ABCC12: variants seen among roughly 807,000 people sequenced by gnomAD.
ABCC12 encodes ATP-binding cassette sub-family C member 12.
ABCC12 carries 142 observed loss-of-function variants against 151.1 expected under a neutral mutation model. The observed-to-expected ratio is 0.94, with a 90% CI of 0.82 to 1.08. ABCC12 has a LOEUF of 1.08. ABCC12 is among the 50% of genes least tolerant of loss of function. The probability of loss-of-function intolerance (pLI) is 0.00; values close to 1 mark genes in which losing one functional copy is unlikely to be tolerated. For missense variants in ABCC12, 1,638 were observed against 1,691.1 expected (o/e 0.97, Z 0.55); for synonymous variants, 645 against 646.4 (o/e 1.00, Z 0.03).
At chr16:48,136,649 G>C (rs1964620581) in intron 8 of ABCC12, among the ~76,000 whole-genome samples, 1 of 152,194 alleles carries the variant, frequency 6.6e-6, no homozygotes, top group Admixed American at 6.5e-5. Flanking sequence ...AGGATGAAGT[G>C]ATTGAGAGGT....
chr16:48,146,259 CT>C, intron 3 of ABCC12, 46 bp downstream of exon 3: 1 of 1,557,872 alleles, frequency 6.4e-7, no homozygotes, highest in South Asian at 1.1e-5. Context: ...ATGGACATTC[CT>C]GGAGGTCCTG....
At chr16:48,091,597 C>G (rs1217404730) in intron 24 of ABCC12, among the ~76,000 whole-genome samples, 4 of 152,190 alleles carry the variant, frequency 2.6e-5, no homozygotes, top group African/African-American at 7.2e-5. Flanking sequence ...GAGCAGCCCT[C>G]CCCTAGCCCC....
chr16:48,121,521 G>A (rs1964066751), intron 13 of ABCC12, 195 bp downstream of exon 13: 3 of 611,018 alleles, frequency 4.9e-6, no homozygotes, highest in Admixed American at 3.2e-5. Flanking sequence ...TGCAGTCGCA[G>A]GTCTGCAGAA....
chr16:48,115,332 T>C (rs1165798668), intron 15 of ABCC12, 83 bp downstream of exon 15: 2 of 1,443,316 alleles, frequency 1.4e-6, no homozygotes, highest in African/African-American at 1.4e-5. Context: ...CAGGCAGATA[T>C]AGGCAGAAGA....
intron 9 of ABCC12, among the ~76,000 whole-genome samples, chr16:48,131,474 C>T (rs1488046414): frequency 2.0e-5 from 3 of 152,138 alleles, no homozygotes; most frequent in East Asian, 3.9e-4. Flanking sequence ...GATTTGAGAG[C>T]CTTTGGTCAA....
At position 48,088,552 on chromosome 16, in the gene ABCC12, T is replaced by C; in HGVS notation, c.3468A>G (p.Thr1156=). 6.2e-7 allele frequency: 1 copy of C among 1,613,640 alleles called. No individual in the cohort carries two copies. Among genetic ancestry groups the C allele is most frequent in the South Asian group, 1.1e-5 (1 of 90,926 alleles). Residue 1156 remains threonine, a synonymous_variant, in exon 26 of 31, where the codon ACA becomes ACG. Transcript: ENST00000311303. ...SGQTVGIVGR[T]GSGKSSLGMA... ...AGCAGAGCTTGTCCTCACCGGAACC[T>C]GTTCTTCCAACAATCCCGACTGTCT...
At chr16:48,122,537 T>C (rs1290054564) in intron 12 of ABCC12, among the ~76,000 whole-genome samples, 1 of 152,162 alleles carries the variant, frequency 6.6e-6, no homozygotes, top group Non-Finnish European at 1.5e-5. Context: ...ACAGCGGGGA[T>C]GCAACGTTCA....
rs115178182 is a variant in ABCC12 at position 48,103,975 on chromosome 16, G to A, written c.2900+167C>T. Among the ~76,000 whole-genome samples the A allele has an allele frequency of 9.8e-3, 1,492 of 152,034 alleles. 31 individuals carry two copies. The highest frequency in any genetic ancestry group is 0.035 in the African/African-American group (1,432 of 41,330). On this transcript the variant is annotated intron_variant, in intron 22 of 30. Coordinates refer to ENST00000311303, the MANE Select transcript of ABCC12 (RefSeq NM_001393797.1). The stretch of plus-strand genomic sequence containing the variant: ...GTTTCCACCTCTCAGGGTTGCTCTG[G>A]GGCTAAAATGCCAGATGTATGCAAA...
intron 18 of ABCC12, among the ~76,000 whole-genome samples, chr16:48,110,682 C>T (rs995304962): frequency 7.9e-5 from 12 of 152,190 alleles, no homozygotes; most frequent in South Asian, 4.1e-4. Context: ...CCCTCTCCCA[C>T]CTTCTCACCA....
At chr16:48,116,325 C>T (rs1963882421) in intron 14 of ABCC12, among the ~76,000 whole-genome samples, 1 of 152,160 alleles carries the variant, frequency 6.6e-6, no homozygotes, top group African/African-American at 2.4e-5. Flanking sequence ...TGGGGAGCTC[C>T]ACGGTGGGCA....
intron 24 of ABCC12, among the ~76,000 whole-genome samples, chr16:48,096,365 T>C (rs1292257699): frequency 2.0e-5 from 3 of 152,222 alleles, no homozygotes; most frequent in African/African-American, 7.2e-5. Flanking sequence ...AATCCAATAA[T>C]AGTAATGCTC....
intron 5 of ABCC12, 135 bp downstream of exon 5, chr16:48,141,071 A>G: frequency 4.2e-6 from 6 of 1,414,668 alleles, no homozygotes; most frequent in Non-Finnish European, 5.7e-6. Flanking sequence ...GATTCACTTT[A>G]TGAAAATTCG....
At chr16:48,099,311 C>A (rs1265265768) in intron 23 of ABCC12, among the ~76,000 whole-genome samples, 2 of 152,066 alleles carry the variant, frequency 1.3e-5, no homozygotes, top group Non-Finnish European at 2.9e-5. Flanking sequence ...GCAAGAGAAT[C>A]GCTTGAACCC....
At position 48,146,433 on chromosome 16, in the gene ABCC12, C is replaced by T; in HGVS notation, c.-9G>A. The T allele has an allele frequency of 6.2e-7, 1 of 1,611,894 alleles. No individual in the cohort carries two copies. Among genetic ancestry groups the T allele is most frequent in the African/African-American group, 1.3e-5 (1 of 74,986 alleles). Reference sequence around the variant, plus strand: ...GGTCCTTCACCCACCATCCTGATGGCAGCCTGGAGCCCTGGGCTTTTGGCC... The same window carrying T: ...GGTCCTTCACCCACCATCCTGATGGTAGCCTGGAGCCCTGGGCTTTTGGCC... On this transcript the variant is annotated 5_prime_UTR_variant, in exon 3 of 31. Transcript: ENST00000311303.
At chr16:48,096,659 T>C in intron 24 of ABCC12, 87 bp downstream of exon 24, 1 of 1,396,314 alleles carries the variant, frequency 7.2e-7, no homozygotes. Flanking sequence ...GAGTTGGGGT[T>C]TTTGTTGTGT....
intron 24 of ABCC12, among the ~76,000 whole-genome samples, chr16:48,091,619 A>G (rs1962900103): frequency 6.6e-6 from 1 of 152,150 alleles, no homozygotes; most frequent in Non-Finnish European, 1.5e-5. Context: ...TGCTCAAAAA[A>G]CAACTGAAAA....
intron 2 of ABCC12, among the ~76,000 whole-genome samples, chr16:48,152,931 T>G (rs1427977448): frequency 6.6e-6 from 1 of 152,232 alleles, no homozygotes; most frequent in Non-Finnish European, 1.5e-5. Flanking sequence ...AAGCCTGGAT[T>G]GGATGCTTGA....
At chr16:48,086,862 GGAC>G (rs1567442958) in intron 27 of ABCC12, 43 bp from the exon 28 acceptor site, 17 of 1,530,108 alleles carry the variant, frequency 1.1e-5, no homozygotes, top group Non-Finnish European at 1.5e-5. Flanking sequence ...AGATTTCCAA[GGAC>G]GAGAGGATGG....
rs1375930719 is a variant in ABCC12 at position 48,138,219 on chromosome 16, T to C, written c.979+9A>G. On this transcript the variant is annotated intron_variant, in intron 8 of 30. Transcript: ENST00000311303. ...TAAGTGGTTCTTTAAGCAGCTACTCTTGTCCTACCTTGGATAGTGTTGGTA... is the reference window on the plus strand; with the variant it reads ...TAAGTGGTTCTTTAAGCAGCTACTCCTGTCCTACCTTGGATAGTGTTGGTA... 1.9e-6 allele frequency: 3 copies of C among 1,595,672 alleles called. No individual in the cohort carries two copies. In the South Asian group the frequency reaches 3.3e-5, roughly 18 times the overall value.
Sources: gnomAD v4.1 joint callset for allele counts (sites outside exome capture counted in the v4.1 genomes callset) on GRCh38, gnomAD v4.1.1 for gene constraint, MANE v1.5 for transcripts, NCBI Gene and HGNC (gene_info 2026-07-23, HGNC 2026-07-21) for gene names.